MED13: variants seen among roughly 807,000 people sequenced by gnomAD.
MED13 encodes mediator of RNA polymerase II transcription subunit 13.
MED13 carries 23 observed loss-of-function variants against 225.2 expected under a neutral mutation model. The ratio of observed to expected loss-of-function variants is 0.10; its 90% CI spans 0.07 to 0.14. The LOEUF is 0.14. Ranked by LOEUF, MED13 falls within the 10% of genes least tolerant of loss-of-function variation. MED13 has a pLI of 1.00. For synonymous variants in MED13, 942 were observed against 889.2 expected (o/e 1.06, Z -1.06); for missense variants, 2,197 against 2,594.5 (o/e 0.85, Z 3.33).
rs983287552 is a variant in MED13, at chr17:61,959,457, C to T, written c.5480+1410G>A. ...AGATTAGCATATTCTTTCCCGAGTTCACTTAATCAGTATAAATATCCAATT... is the reference window on the plus strand; with the variant it reads ...AGATTAGCATATTCTTTCCCGAGTTTACTTAATCAGTATAAATATCCAATT... On this transcript the variant is annotated intron_variant, in intron 23 of 29. Coordinates refer to ENST00000397786, the MANE Select transcript of MED13 (RefSeq NM_005121.3). Among the ~76,000 whole-genome samples the T allele has an allele frequency of 4.6e-5, 7 of 152,016 alleles. No individual in the cohort carries two copies. In the East Asian group the frequency reaches 1.2e-3, roughly 25 times the overall value.
Position 61,984,773 on chromosome 17 carries a change from ATTCT to A in MED13, c.2565_2568del (p.Lys855AsnfsTer14). 1 of 1,612,956 alleles carries A rather than the reference ATTCT, an allele frequency of 6.2e-7. No individual in the cohort carries two copies. Among genetic ancestry groups the A allele is most frequent in the Non-Finnish European group, 8.5e-7 (1 of 1,179,028 alleles). On this transcript the variant is annotated frameshift_variant, in exon 14 of 30. Coordinates refer to ENST00000397786, the MANE Select transcript of MED13 (RefSeq NM_005121.3). LOFTEE classifies it high-confidence loss of function. ...CCAGGTGTTGTATCCATACTACCAT[ATTCT>A]TTATTATTCATATTCATTGGGGAAA...
intron 23 of MED13, among the ~76,000 whole-genome samples, chr17:61,960,090 C>T (rs927506232): frequency 2.0e-5 from 3 of 152,022 alleles, no homozygotes; most frequent in African/African-American, 7.3e-5. Context: ...TCCTGTACAG[C>T]GTTCACTAGC....
chr17:62,058,907 A>G (rs2081016717), intron 2 of MED13, among the ~76,000 whole-genome samples: 1 of 152,242 alleles, frequency 6.6e-6, no homozygotes, highest in Non-Finnish European at 1.5e-5. Context: ...TAGCAATAAA[A>G]TAAGTTTACA....
chr17:61,956,314 A>G (rs2079943708), intron 24 of MED13, 25 bp downstream of exon 24: 18 of 1,597,332 alleles, frequency 1.1e-5, no homozygotes, highest in Non-Finnish European at 1.5e-5. Context: ...CGGAAATATA[A>G]ATACTAATAA....
chr17:61,981,260 G>T (rs768521887), intron 16 of MED13, among the ~76,000 whole-genome samples: 5 of 152,022 alleles, frequency 3.3e-5, no homozygotes, highest in Non-Finnish European at 7.4e-5. Flanking sequence ...GACCTCAGGT[G>T]ACCTGCCTAC....
At chr17:62,039,639 T>C (rs1243675423) in intron 3 of MED13, among the ~76,000 whole-genome samples, 1 of 149,180 alleles carries the variant, frequency 6.7e-6, no homozygotes, top group Non-Finnish European at 1.5e-5. Flanking sequence ...TCACCAAGGT[T>C]GGAGTGCAAT....
intron 8 of MED13, among the ~76,000 whole-genome samples, chr17:62,022,619 T>A (rs757180232): frequency 5.9e-5 from 9 of 151,840 alleles, no homozygotes; most frequent in Non-Finnish European, 1.3e-4. Context: ...ACAGGAAAAT[T>A]TTTAAACAAT....
Position 62,065,196 on chromosome 17 carries a change from A to T in MED13, c.10T>A (p.Ser4Thr). 6.4e-7 allele frequency: 1 copy of T among 1,561,940 alleles called. No individual in the cohort carries two copies. The change falls in exon 1 of 30, where the codon TCC becomes ACC. Residue 4 changes from serine (S) to threonine (T), a missense_variant. This residue lies in a region of MED13 where 884 missense variants were observed against 918.5 expected (regional missense o/e 0.96). Transcript: ENST00000397786. Reference protein sequence around the residue: MSASFVPNGASLED... With the variant: MSATFVPNGASLED... ...AGGCTGGCCCCGTTCGGCACGAAGG[A>T]GGCACTCATCGTCCCTCACAGCAGC...
chr17:62,036,790 G>A (rs1368275908), intron 3 of MED13: 2 of 152,180 alleles, frequency 1.3e-5, no homozygotes, highest in Non-Finnish European at 2.9e-5. Context: ...ACAAGAAATA[G>A]AAATTTAAGC....
chr17:62,063,392 T>A, intron 1 of MED13, 91 bp from the exon 2 acceptor site: 1 of 839,182 alleles, frequency 1.2e-6, no homozygotes, highest in Non-Finnish European at 1.9e-6. Flanking sequence ...ATTAAGACAT[T>A]ACAATTTTTC....
At chr17:62,042,550 G>C (rs2080861595) in intron 3 of MED13, among the ~76,000 whole-genome samples, 1 of 126,894 alleles carries the variant, frequency 7.9e-6, no homozygotes. Context: ...GACAGAGCAA[G>C]GTTTCATCTC....
Position 61,982,930 on chromosome 17 carries a change from C to T in MED13, c.3073G>A (p.Gly1025Ser), listed in dbSNP as rs2080217368. The T allele has an allele frequency of 1.9e-6, 3 of 1,613,972 alleles. No individual in the cohort carries two copies. Among genetic ancestry groups the T allele is most frequent in the South Asian group, 1.1e-5 (1 of 91,088 alleles). ...PRTPRTPRGA[G>S]GPASAQGSVK... Reference sequence around the variant, plus strand: ...GAACCTTGAGCACTAGCAGGTCCACCAGCTCCACGAGGAGTCCGAGGAGTC... The same window carrying T: ...GAACCTTGAGCACTAGCAGGTCCACTAGCTCCACGAGGAGTCCGAGGAGTC... The change falls in exon 16 of 30, where the codon GGT becomes AGT. Residue 1025 changes from glycine (G) to serine (S), a missense_variant. Transcript: ENST00000397786.
intron 8 of MED13, among the ~76,000 whole-genome samples, chr17:62,023,752 C>CTAT (rs2080672632): frequency 6.6e-6 from 1 of 152,070 alleles, no homozygotes; most frequent in African/African-American, 2.4e-5. Context: ...CCCCAACCTC[C>CTAT]TATATATTCT....
chr17:61,963,267 A>C (rs1603392468), intron 20 of MED13, among the ~76,000 whole-genome samples: 1 of 64,608 alleles, frequency 1.5e-5, no homozygotes, highest in South Asian at 7.2e-4. Flanking sequence ...ACCATAGGGT[A>C]AGGGTATTAG....
rs545859617 is a variant in MED13, at chr17:62,038,804, C to A, written c.471-3196G>T. 4.7e-4 allele frequency among the ~76,000 whole-genome samples: 71 copies of A among 152,002 alleles called. No individual in the cohort carries two copies. In the South Asian group the frequency reaches 0.014, roughly 30 times the overall value. ...TCACCCTCTTGAGTAGCTGGGACTA[C>A]AGGTGTGCGCTACCACACCCAGCTA... On this transcript the variant is annotated intron_variant, in intron 3 of 29. Transcript: ENST00000397786.
intron 5 of MED13, 50 bp from the exon 6 acceptor site, chr17:62,031,688 G>A (rs764356205): frequency 2.3e-6 from 3 of 1,279,744 alleles, no homozygotes; most frequent in Non-Finnish European, 3.1e-6. Context: ...TGTGACTAGT[G>A]AATTAGTTTC....
intron 10 of MED13, among the ~76,000 whole-genome samples, chr17:61,993,224 C>CA (rs1312834007): frequency 9.9e-6 from 1 of 100,974 alleles, no homozygotes; most frequent in Admixed American, 1.1e-4. Flanking sequence ...TTTTTTGAGA[C>CA]AGAGTCTCAC....
intron 3 of MED13, among the ~76,000 whole-genome samples, chr17:62,046,397 T>C (rs930448128): frequency 6.6e-6 from 1 of 152,236 alleles, no homozygotes; most frequent in Non-Finnish European, 1.5e-5. Flanking sequence ...AAAGAGCATA[T>C]ACTATTTCTG....
At chr17:62,046,861 AT>A (rs572223238) in intron 3 of MED13, among the ~76,000 whole-genome samples, 91 of 146,470 alleles carry the variant, frequency 6.2e-4, no homozygotes, top group African/African-American at 1.2e-3. Context: ...TATAATTTCA[AT>A]TTTTTTTTTT....
Sources: gnomAD v4.1 joint callset for allele counts (sites outside exome capture counted in the v4.1 genomes callset) on GRCh38, gnomAD v4.1.1 for gene constraint, gnomAD v4.1.1 regional missense constraint, MANE v1.5 for transcripts, NCBI Gene and HGNC (gene_info 2026-07-23, HGNC 2026-07-21) for gene names.